Variants in NBAS observed in about 807,000 individuals in gnomAD.
NBAS encodes the protein NAG/BC035112 fusion.
NBAS carries 219 observed loss-of-function variants against 302.5 expected under a neutral mutation model. The observed-to-expected ratio is 0.72, with a 90% CI of 0.65 to 0.81. The LOEUF is 0.81. Ranked by LOEUF, NBAS falls within the 30% of genes least tolerant of loss-of-function variation. The pLI is 0.00. For synonymous variants in NBAS, 1,118 were observed against 1,021.6 expected, an observed-to-expected ratio of 1.09 and a Z score of -1.80; for missense variants, 2,932 against 2,841.6, an observed-to-expected ratio of 1.03 and a Z score of -0.72.
At chr2:14,989,383 C>G in the NBAS span, among the ~76,000 whole-genome samples, 1 of 151,334 alleles carries the variant, frequency 6.6e-6, no homozygotes, top group East Asian at 1.9e-4. Flanking sequence ...CATGGTGAAA[C>G]CCCATCTCTA....
At chr2:15,396,573 T>C (rs2148415584) in intron 26 of NBAS, 98 bp from the exon 27 acceptor site, 1 of 769,622 alleles carries the variant, frequency 1.3e-6, no homozygotes, top group African/African-American at 1.8e-5. Context: ...AGATGTTTCT[T>C]TTATATGTAA....
chr2:15,494,875 T>C (rs566818874), intron 11 of NBAS, among the ~76,000 whole-genome samples: 35 of 152,314 alleles, frequency 2.3e-4, no homozygotes, highest in African/African-American at 7.7e-4. Flanking sequence ...ACTTTAATTC[T>C]GCATTTTTAC....
At chr2:14,896,864 A>G in the NBAS span, among the ~76,000 whole-genome samples, 1 of 152,182 alleles carries the variant, frequency 6.6e-6, no homozygotes, top group Non-Finnish European at 1.5e-5. Context: ...TTTAATGTAA[A>G]TATTCTACTT....
intron 21 of NBAS, among the ~76,000 whole-genome samples, chr2:15,440,974 C>T (rs989208822): frequency 1.9e-4 from 29 of 152,126 alleles, no homozygotes; most frequent in East Asian, 3.9e-4. Flanking sequence ...TAAAAAGAAA[C>T]GAACAAAGCC....
the NBAS span, among the ~76,000 whole-genome samples, chr2:14,874,755 CT>C: frequency 6.9e-6 from 1 of 145,824 alleles, no homozygotes; most frequent in Non-Finnish European, 1.5e-5. Flanking sequence ...AAAATTCTTA[CT>C]ACATACTTGG....
the NBAS span, among the ~76,000 whole-genome samples, chr2:14,928,599 T>A: frequency 1.4e-4 from 21 of 152,138 alleles, no homozygotes; most frequent in Non-Finnish European, 1.2e-4. Flanking sequence ...CTCAAATATT[T>A]ATTGATTGAT....
chr2:15,178,891 T>C, intron 51 of NBAS, 97 bp downstream of exon 51: 1 of 1,545,946 alleles, frequency 6.5e-7, no homozygotes, highest in Non-Finnish European at 8.9e-7. Flanking sequence ...TAGTCTTCAA[T>C]TAACCACGGT....
intron 42 of NBAS, among the ~76,000 whole-genome samples, chr2:15,286,715 G>A (rs1214484630): frequency 6.6e-6 from 1 of 152,202 alleles, no homozygotes; most frequent in African/African-American, 2.4e-5. Flanking sequence ...CAATTACACA[G>A]TACTTATCAG....
At chr2:15,211,262 C>T (rs1006061128) in intron 48 of NBAS, among the ~76,000 whole-genome samples, 1 of 151,396 alleles carries the variant, frequency 6.6e-6, no homozygotes, top group Admixed American at 6.6e-5. Context: ...TACTATGTAC[C>T]CACAAAAATT....
At chr2:15,002,432 C>A in the NBAS span, among the ~76,000 whole-genome samples, 1 of 147,590 alleles carries the variant, frequency 6.8e-6, no homozygotes, top group Non-Finnish European at 1.5e-5. Flanking sequence ...GACTCAGGAG[C>A]CCAGCTGGCC....
the NBAS span, among the ~76,000 whole-genome samples, chr2:15,145,827 C>T: frequency 6.6e-6 from 1 of 152,004 alleles, no homozygotes; most frequent in African/African-American, 2.4e-5. Context: ...GGGTGGGGGG[C>T]CCAGAACATG....
the NBAS span, among the ~76,000 whole-genome samples, chr2:14,827,949 T>TA: frequency 5.3e-5 from 8 of 151,858 alleles, no homozygotes; most frequent in East Asian, 1.9e-4. Context: ...TTTACAATAA[T>TA]AAAAAAAAGA....
intron 35 of NBAS, among the ~76,000 whole-genome samples, chr2:15,345,994 C>G (rs773052858): frequency 1.1e-4 from 16 of 151,992 alleles, no homozygotes; most frequent in Non-Finnish European, 2.1e-4. Flanking sequence ...ACACTTTATA[C>G]AAAAAATTAA....
chr2:14,822,261 C>T, the NBAS span, among the ~76,000 whole-genome samples: 3 of 152,124 alleles, frequency 2.0e-5, no homozygotes, highest in African/African-American at 7.2e-5. Flanking sequence ...GGACTGTCAA[C>T]ATTCCAGGTT....
intron 6 of NBAS, among the ~76,000 whole-genome samples, chr2:15,546,071 G>T (rs1395315798): frequency 2.0e-5 from 3 of 152,154 alleles, no homozygotes; most frequent in Non-Finnish European, 4.4e-5. Flanking sequence ...GATCAAAAAA[G>T]ATAACTCTGG....
chr2:15,328,078 T>C (rs957884847), intron 37 of NBAS, 121 bp downstream of exon 37: 2 of 1,195,956 alleles, frequency 1.7e-6, no homozygotes, highest in African/African-American at 1.6e-5. Flanking sequence ...TAAAAACCAA[T>C]GAATAACATG....
At chr2:14,888,448 G>C in the NBAS span, among the ~76,000 whole-genome samples, 4 of 149,290 alleles carry the variant, frequency 2.7e-5, no homozygotes, top group East Asian at 7.8e-4. Flanking sequence ...ACGGCACCCG[G>C]CCCCCCCTTT....
At chr2:15,409,686 C>G (rs532232064) in intron 25 of NBAS, among the ~76,000 whole-genome samples, 1 of 152,180 alleles carries the variant, frequency 6.6e-6, no homozygotes, top group African/African-American at 2.4e-5. Context: ...TTCCTCATAT[C>G]CTAAATATTT....
At chr2:15,541,760 GGTCAGCCCC>G (rs1350053501) in intron 6 of NBAS, among the ~76,000 whole-genome samples, 1 of 149,602 alleles carries the variant, frequency 6.7e-6, no homozygotes, top group Non-Finnish European at 1.5e-5. Context: ...GAGGTGGGGG[GGTCAGCCCC>G]CCGCCCAGCC....
Sources: gnomAD v4.1 joint callset for allele counts (sites outside exome capture counted in the v4.1 genomes callset) on GRCh38, gnomAD v4.1.1 for gene constraint, MANE v1.5 for transcripts, NCBI Gene and HGNC (gene_info 2026-07-23, HGNC 2026-07-21) for gene names.